The following ZDHHC11 variants were observed in gnomAD, a reference collection of about 807,000 sequenced individuals.
ZDHHC11 encodes palmitoyltransferase ZDHHC11.
A neutral mutation model predicts 51.3 loss-of-function variants in ZDHHC11; 44 were observed. The observed-to-expected ratio is 0.86, with a 90% confidence interval of 0.67 to 1.10. ZDHHC11 has a LOEUF of 1.10. Ranked by LOEUF, ZDHHC11 falls within the 50% of genes least tolerant of loss-of-function variation. The pLI is 0.00. For synonymous variants in ZDHHC11, 163 were observed against 222.0 expected (o/e 0.73, Z 2.36); for missense variants, 400 against 537.7 (o/e 0.74, Z 2.53).
chr5:804,245 C>T (rs1445299181), intron 11 of ZDHHC11, among the ~76,000 whole-genome samples: 1 of 151,228 alleles, frequency 6.6e-6, no homozygotes, highest in East Asian at 1.9e-4. Flanking sequence ...TTCTGCCCTG[C>T]TCTGCCCACC....
intron 7 of ZDHHC11, among the ~76,000 whole-genome samples, chr5:828,376 T>C (rs1261390633): frequency 6.8e-6 from 1 of 147,532 alleles, no homozygotes; most frequent in Admixed American, 6.7e-5. Flanking sequence ...GCCCCCCACC[T>C]CCCTCCTGGA....
At chr5:850,212 A>T in intron 1 of ZDHHC11, 169 bp downstream of exon 1, 1 of 729,420 alleles carries the variant, frequency 1.4e-6, no homozygotes, top group South Asian at 1.8e-5. Flanking sequence ...GGGGCTGCAC[A>T]GAGCATGAGT....
Position 848,745 on chromosome 5 carries a change from C to T in ZDHHC11, c.223-85G>A, listed in dbSNP as rs747475234. On this transcript the variant is annotated intron_variant, in intron 1 of 12. Coordinates refer to ENST00000283441, the MANE Select transcript of ZDHHC11 (RefSeq NM_024786.3). ...GTGAGGCCCAAGGGCCCAGAAGAGG[C>T]GTGGCCGCTGGTCAGCCCTGCTCAC... is the stretch of plus-strand genomic sequence containing the variant. The T allele has an allele frequency of 9.4e-5, 146 of 1,550,564 alleles. 1 individual carries two copies. Among genetic ancestry groups the T allele is most frequent in the Middle Eastern group, 4.4e-4 (2 of 4,556 alleles).
chr5:806,601 A>C (rs1342199033), intron 11 of ZDHHC11, among the ~76,000 whole-genome samples: 1 of 151,258 alleles, frequency 6.6e-6, no homozygotes, highest in African/African-American at 2.4e-5. Flanking sequence ...GTTAAGCTGC[A>C]CATGGACAGA....
At chr5:808,984 T>G (rs1579564809) in intron 11 of ZDHHC11, among the ~76,000 whole-genome samples, 1 of 133,752 alleles carries the variant, frequency 7.5e-6, no homozygotes, top group Non-Finnish European at 1.6e-5. Context: ...GACCATCAGT[T>G]ACACACACAC....
At chr5:823,808 A>T in intron 8 of ZDHHC11, 1 of 318,600 alleles carries the variant, frequency 3.1e-6, no homozygotes, top group Non-Finnish European at 6.4e-6. Flanking sequence ...TCACAAATGC[A>T]CCTGTGCAGA....
chr5:820,131 T>G (rs1482615256), intron 9 of ZDHHC11, among the ~76,000 whole-genome samples: 1 of 151,464 alleles, frequency 6.6e-6, no homozygotes, highest in Non-Finnish European at 1.5e-5. Context: ...GAGAGAAAGT[T>G]TGTAATTCCG....
intron 10 of ZDHHC11, among the ~76,000 whole-genome samples, 192 bp from the exon 11 acceptor site, chr5:814,987 A>G (rs548262809): frequency 1.3e-5 from 2 of 151,612 alleles, no homozygotes; most frequent in East Asian, 3.9e-4. Context: ...GGGCTGAACT[A>G]TATCCTCCTC....
chr5:848,879 G>A (rs1008209720), intron 1 of ZDHHC11, among the ~76,000 whole-genome samples: 7 of 150,754 alleles, frequency 4.6e-5, no homozygotes, highest in African/African-American at 1.5e-4. Flanking sequence ...CTGCTCACCT[G>A]GGCGTGCTCA....
chr5:858,093 C>T (rs1259966319), intron 1 of ZDHHC11, among the ~76,000 whole-genome samples: 3 of 144,622 alleles, frequency 2.1e-5, no homozygotes, highest in South Asian at 2.3e-4. Flanking sequence ...TGACACCAGG[C>T]CCCTAGAGTC....
chr5:843,132 C>T (rs1745322242), intron 4 of ZDHHC11, among the ~76,000 whole-genome samples: 1 of 152,288 alleles, frequency 6.6e-6, no homozygotes, highest in Non-Finnish European at 1.5e-5. Flanking sequence ...TCCCGAGGCC[C>T]AGGCTCCGGG....
chr5:807,207 T>G (rs1739386809), intron 11 of ZDHHC11, among the ~76,000 whole-genome samples: 1 of 150,550 alleles, frequency 6.6e-6, no homozygotes, highest in South Asian at 2.1e-4. Flanking sequence ...AAAAAGGTGA[T>G]TCCTCAAAGA....
At chr5:807,187 G>T (rs1451458922) in intron 11 of ZDHHC11, among the ~76,000 whole-genome samples, 30 of 150,600 alleles carry the variant, frequency 2.0e-4, no homozygotes, top group African/African-American at 6.8e-4. Context: ...TGGCAATTTA[G>T]TACCAAGTGA....
intron 10 of ZDHHC11, 53 bp from the exon 11 acceptor site, chr5:814,848 A>G: frequency 6.8e-7 from 1 of 1,463,354 alleles, no homozygotes; most frequent in Non-Finnish European, 9.1e-7. Context: ...CCTTGTTGAC[A>G]TTAAACTTAT....
At chr5:860,106 G>A (rs1748712735), upstream of ZDHHC11, among the ~76,000 whole-genome samples, 1 of 152,190 alleles carries the variant, frequency 6.6e-6, no homozygotes, top group African/African-American at 2.4e-5. The surrounding 1 kb of genome is among the most constrained non-coding windows in gnomAD (Gnocchi z 4.2). Context: ...TGTCTGTCAG[G>A]GGCACACACG....
At chr5:799,875 C>G (rs1469852392) in intron 12 of ZDHHC11, among the ~76,000 whole-genome samples, 1 of 151,484 alleles carries the variant, frequency 6.6e-6, no homozygotes, top group Non-Finnish European at 1.5e-5. Context: ...ATCTCCCCTT[C>G]AATCTCAGTG....
chr5:819,656 AG>A, intron 9 of ZDHHC11, 44 bp from the exon 10 acceptor site: 1 of 1,586,584 alleles, frequency 6.3e-7, no homozygotes, highest in Non-Finnish European at 8.6e-7. Context: ...ACAGTTTTGT[AG>A]GGCGCTCAGG....
In ZDHHC11 at chr5:840,528, G is replaced by C. The variant is rs1266153382; in HGVS notation, c.751C>G (p.Leu251Val). 1 of 1,613,824 alleles carries C rather than the reference G, an allele frequency of 6.2e-7. No individual in the cohort carries two copies. The highest frequency in any genetic ancestry group is 8.5e-7 in the Non-Finnish European group (1 of 1,179,872). Residue 251 changes from leucine (L) to valine (V), a missense_variant, in exon 5 of 13, where the codon CTG (leucine) becomes GTG (valine). By Grantham distance (32) the Leu-to-Val change is conservative. Transcript: ENST00000283441. The stretch of plus-strand genomic sequence containing the variant: ...ATGTGGAAGATGAGCAGCTGGCCCA[G>C]GTGCACCAAGCCAAGAAAGTCCAGC... ...LLLDFLGLVH[L>V]GQLLIFHIYL... is the part of the protein sequence containing the mutation.
chr5:849,095 A>G (rs931118244), intron 1 of ZDHHC11, among the ~76,000 whole-genome samples: 3 of 151,018 alleles, frequency 2.0e-5, no homozygotes, highest in African/African-American at 4.9e-5. Flanking sequence ...TCTAGAGGAG[A>G]TGAGTCCACC....
Sources: gnomAD v4.1 joint callset for allele counts (sites outside exome capture counted in the v4.1 genomes callset) on GRCh38, gnomAD v4.1.1 for gene constraint, Gnocchi (gnomAD v3.1) non-coding constraint, MANE v1.5 for transcripts, NCBI Gene and HGNC (gene_info 2026-07-23, HGNC 2026-07-21) for gene names.